TTBK2: variants seen among roughly 807,000 people sequenced by gnomAD.
TTBK2 encodes tau-tubulin kinase 2.
TTBK2 carries 28 observed loss-of-function variants against 110.8 expected under a neutral mutation model. The ratio of observed to expected loss-of-function variants is 0.25; its 90% CI spans 0.19 to 0.35. The LOEUF is 0.35. TTBK2 is among the 10% of genes least tolerant of loss of function. TTBK2 has a pLI of 1.00. For missense variants in TTBK2, 1,369 were observed against 1,500.3 expected (o/e 0.91, Z 1.45); for synonymous variants, 532 against 527.3 (o/e 1.01, Z -0.12).
chr15:42,761,483 G>C (rs148386704), intron 13 of TTBK2, among the ~76,000 whole-genome samples: 4 of 150,420 alleles, frequency 2.7e-5, no homozygotes, highest in Admixed American at 6.6e-5. Context: ...AGTCAATAGA[G>C]TGAAAAGATA....
Position 42,817,113 on chromosome 15 carries a change from G to T in TTBK2, c.538-16C>A. On this transcript the variant is annotated splice_polypyrimidine_tract_variant and intron_variant, in intron 6 of 14. Transcript: ENST00000267890. ...CAGCTCGAGGCTACAACGAAGCCAT[G>T]CAAAGAATAATAAATGAGCTTCAAA... 1.3e-6 allele frequency: 2 copies of T among 1,597,950 alleles called. No homozygotes were observed. Among genetic ancestry groups the T allele is most frequent in the Non-Finnish European group, 1.7e-6 (2 of 1,170,184 alleles).
chr15:42,833,494 C>T (rs1208794541), intron 4 of TTBK2, among the ~76,000 whole-genome samples: 1 of 152,102 alleles, frequency 6.6e-6, no homozygotes, highest in East Asian at 1.9e-4. Context: ...TTATTCACCT[C>T]CCCATCCATA....
At chr15:42,779,528 T>C (rs1280882943) in intron 11 of TTBK2, among the ~76,000 whole-genome samples, 1 of 151,954 alleles carries the variant, frequency 6.6e-6, no homozygotes, top group Non-Finnish European at 1.5e-5. Flanking sequence ...AATACATTTA[T>C]AGAAAGAGTC....
At chr15:42,852,051 C>T (rs1893739309) in intron 3 of TTBK2, among the ~76,000 whole-genome samples, 1 of 151,596 alleles carries the variant, frequency 6.6e-6, no homozygotes, top group Non-Finnish European at 1.5e-5. Flanking sequence ...ATAGATGTCC[C>T]GACACATAAG....
chr15:42,819,409 C>A (rs1389346562), intron 6 of TTBK2, among the ~76,000 whole-genome samples: 2 of 151,264 alleles, frequency 1.3e-5, no homozygotes, highest in Non-Finnish European at 2.9e-5. Flanking sequence ...ACAGGATAAA[C>A]AATCTATGTG....
At chr15:42,856,058 T>C (rs1893930654) in intron 3 of TTBK2, among the ~76,000 whole-genome samples, 1 of 152,166 alleles carries the variant, frequency 6.6e-6, no homozygotes, top group Admixed American at 6.5e-5. Context: ...GTCCTTCCTA[T>C]ACTAACTATA....
chr15:42,793,336 G>A lies in TTBK2; in HGVS notation c.980+1308C>T, dbSNP rs146665657. Among the ~76,000 whole-genome samples, 342 of 152,274 alleles carry A rather than the reference G, an allele frequency of 2.2e-3. 4 individuals are homozygous for A. Among genetic ancestry groups the A allele is most frequent in the African/African-American group, 7.9e-3 (327 of 41,550 alleles). ...TCAGTGATACTATCCAGTTATGTGA[G>A]TCTATGAAAACTCTTCCGATGATTC... On this transcript the variant is annotated intron_variant, in intron 10 of 14. Transcript: ENST00000267890.
At chr15:42,874,610 C>G (rs1401253380) in intron 2 of TTBK2, among the ~76,000 whole-genome samples, 1 of 151,926 alleles carries the variant, frequency 6.6e-6, no homozygotes, top group Non-Finnish European at 1.5e-5. Context: ...AGCCACCACA[C>G]CCGGCCGATC....
chr15:42,794,789 C>T lies in TTBK2; in HGVS notation c.835G>A (p.Val279Met), dbSNP rs1436221330. 7 of 1,613,862 alleles carry T rather than the reference C, an allele frequency of 4.3e-6. No individual in the cohort carries two copies. Among genetic ancestry groups the T allele is most frequent in the East Asian group, 2.2e-5 (1 of 44,884 alleles). Reference protein sequence around the residue: ...TKPDYQLLTSVFDNSIKTFGV... With the variant: ...TKPDYQLLTSMFDNSIKTFGV... Reference sequence around the variant, plus strand: ...AAAGTCTTGATGCTATTGTCAAACACGGATGTAAGAAGCTAAACCACAAAG... The same window carrying T: ...AAAGTCTTGATGCTATTGTCAAACATGGATGTAAGAAGCTAAACCACAAAG... Residue 279 changes from valine (V) to methionine (M), a missense_variant, in exon 10 of 15, where the codon GTG becomes ATG. By Grantham distance (21) the Val-to-Met change is conservative (BLOSUM62 1). Coordinates refer to ENST00000267890, the MANE Select transcript of TTBK2 (RefSeq NM_173500.4).
At chr15:42,815,096 T>C (rs1248535575) in intron 7 of TTBK2, among the ~76,000 whole-genome samples, 1 of 152,168 alleles carries the variant, frequency 6.6e-6, no homozygotes, top group African/African-American at 2.4e-5. Flanking sequence ...TTGACATAAT[T>C]CTTTAATAAA....
chr15:42,814,293 AT>A (rs1248716483), intron 7 of TTBK2, among the ~76,000 whole-genome samples: 1 of 152,196 alleles, frequency 6.6e-6, no homozygotes, highest in Non-Finnish European at 1.5e-5. Context: ...AAACTTTAAG[AT>A]TTGGCAAGGC....
chr15:42,906,110 C>T (rs2030379374), intron 1 of TTBK2, among the ~76,000 whole-genome samples: 1 of 152,098 alleles, frequency 6.6e-6, no homozygotes, highest in South Asian at 2.1e-4. Context: ...ATCACTTGAA[C>T]CTGGGAGGTG....
intron 7 of TTBK2, among the ~76,000 whole-genome samples, chr15:42,813,678 C>A (rs1185654489): frequency 6.6e-6 from 1 of 151,894 alleles, no homozygotes; most frequent in Non-Finnish European, 1.5e-5. Context: ...AACCCCGTCT[C>A]TATTAAAAAA....
At chr15:42,747,350 G>A (rs531809138) in intron 14 of TTBK2, among the ~76,000 whole-genome samples, 15 of 152,246 alleles carry the variant, frequency 9.9e-5, no homozygotes, top group South Asian at 6.2e-4. Flanking sequence ...TTTGGCCTAA[G>A]AATCAAAGAA....
chr15:42,861,937 C>T (rs1359915742), intron 3 of TTBK2, among the ~76,000 whole-genome samples: 3 of 152,072 alleles, frequency 2.0e-5, no homozygotes, highest in African/African-American at 4.8e-5. Context: ...ACAAAAGATC[C>T]TCCGAAGTTA....
chr15:42,755,268 T>C (rs927463780), intron 13 of TTBK2, among the ~76,000 whole-genome samples: 2 of 152,140 alleles, frequency 1.3e-5, no homozygotes, highest in South Asian at 2.1e-4. Flanking sequence ...ATGAGACCCA[T>C]TAAGTTCTAG....
At chr15:42,837,405 C>G (rs560218084) in intron 4 of TTBK2, among the ~76,000 whole-genome samples, 5 of 149,548 alleles carry the variant, frequency 3.3e-5, no homozygotes, top group Non-Finnish European at 7.4e-5. Context: ...CGCCTGTAAT[C>G]CCAGCACTTT....
chr15:42,830,110 A>G (rs767467710), intron 4 of TTBK2, 32 bp from the exon 5 acceptor site: 27 of 1,613,550 alleles, frequency 1.7e-5, no homozygotes, highest in East Asian at 2.2e-5. Flanking sequence ...TTTCAAATAC[A>G]GTACTAAAAC....
In TTBK2 at chr15:42,816,081, AATAAATATATATAT is replaced by A. The variant is rs1250506643; in HGVS notation, c.603+937_603+950del. The stretch of plus-strand genomic sequence containing the variant: ...AAATATATATATATAAAAATAAATA[AATAAATATATATAT>A]ATATATATATATATATATATATATG... On this transcript the variant is annotated intron_variant, in intron 7 of 14. Transcript: ENST00000267890. Among the ~76,000 whole-genome samples the A allele has an allele frequency of 4.3e-4, 26 of 60,298 alleles. 1 individual carries two copies. The East Asian group carries it at 8.3e-3, about 19-fold the overall frequency. 39.6% of individuals were successfully genotyped at this position (60,298 alleles called of 152,430 possible).
Sources: allele counts gnomAD v4.1 joint callset (sites outside exome capture counted in the v4.1 genomes callset), GRCh38; gene constraint gnomAD v4.1.1; transcripts MANE v1.5; gene names NCBI Gene and HGNC (gene_info 2026-07-23, HGNC 2026-07-21).